USP50: variants seen among roughly 807,000 people sequenced by gnomAD.
The protein encoded by USP50 is ubiquitin carboxyl-terminal hydrolase 50.
In USP50, 37 loss-of-function variants were observed where a neutral mutation model predicts 39.2. The ratio of observed to expected loss-of-function variants is 0.94; its 90% CI spans 0.73 to 1.24. USP50 has a LOEUF of 1.24. Ranked by LOEUF, USP50 falls within the 50% of genes most tolerant of loss-of-function variation. The pLI is 0.00. For missense variants in USP50, 374 were observed against 398.2 expected, an observed-to-expected ratio of 0.94 and a Z score of 0.52; for synonymous variants, 139 against 144.5, an observed-to-expected ratio of 0.96 and a Z score of 0.27.
At chr15:50,514,358 T>A (rs781480800) in intron 6 of USP50, 1 of 152,180 alleles carries the variant, frequency 6.6e-6, no homozygotes, top group Admixed American at 6.5e-5. Context: ...TCAAGTTTTA[T>A]CCTCATGGTT....
chr15:50,495,866 T>G, downstream of USP50: 1 of 1,613,426 alleles, frequency 6.2e-7, no homozygotes, highest in South Asian at 1.1e-5. Context: ...TCGGAAGAGA[T>G]ATAAAGAAGA....
chr15:50,528,972 G>C (rs2052919175), intron 6 of USP50, among the ~76,000 whole-genome samples: 1 of 152,134 alleles, frequency 6.6e-6, no homozygotes, highest in African/African-American at 2.4e-5. Flanking sequence ...CCGTGATCCA[G>C]AACAGAAACC....
chr15:50,495,802 TTTTC>T (rs1238996458), downstream of USP50: 1 of 1,439,158 alleles, frequency 6.9e-7, no homozygotes, highest in South Asian at 1.3e-5. Context: ...AATTTAAATG[TTTTC>T]TTTGAGATAT....
At chr15:50,528,046 T>C (rs1205715669) in intron 6 of USP50, among the ~76,000 whole-genome samples, 2 of 148,240 alleles carry the variant, frequency 1.3e-5, no homozygotes, top group Non-Finnish European at 3.0e-5. Context: ...AATAATAGTT[T>C]GATTACTAAA....
At chr15:50,527,644 GTTT>G (rs34341151) in intron 6 of USP50, among the ~76,000 whole-genome samples, 1 of 143,230 alleles carries the variant, frequency 7.0e-6, no homozygotes, top group Non-Finnish European at 1.5e-5. Context: ...TTTTATTGTT[GTTT>G]TTTTTTTTTT....
intron 5 of USP50, among the ~76,000 whole-genome samples, chr15:50,534,765 A>G (rs1252599815): frequency 6.6e-6 from 1 of 152,248 alleles, no homozygotes; most frequent in East Asian, 1.9e-4. Context: ...AGGGCCATAC[A>G]TAATGATAAA....
chr15:50,493,605 TGTG>T (rs1478763786), downstream of USP50: 10 of 444,108 alleles, frequency 2.3e-5, no homozygotes, highest in Admixed American at 2.6e-4. Context: ...ATTAGCTAGG[TGTG>T]GTGATACATG....
chr15:50,528,065 GTTTTTTTT>G (rs57802702), intron 6 of USP50, among the ~76,000 whole-genome samples: 7 of 128,692 alleles, frequency 5.4e-5, no homozygotes, highest in African/African-American at 5.9e-5. Context: ...AAAGAACTAA[GTTTTTTTT>G]TTTTTTTTTT....
intron 6 of USP50, chr15:50,511,759 AG>A (rs1168512585): frequency 6.6e-6 from 1 of 152,172 alleles, no homozygotes; most frequent in Non-Finnish European, 1.5e-5. Context: ...CACCTGGGGG[AG>A]CCGAGGCAGG....
chr15:50,539,629 T>C (rs754314702), intron 4 of USP50, among the ~76,000 whole-genome samples: 1 of 152,046 alleles, frequency 6.6e-6, no homozygotes, highest in Non-Finnish European at 1.5e-5. Flanking sequence ...TTGGCCGGGA[T>C]AGTCTCGATC....
At chr15:50,514,994 T>TGA (rs2052789697) in intron 6 of USP50, among the ~76,000 whole-genome samples, 1 of 74,628 alleles carries the variant, frequency 1.3e-5, no homozygotes, top group Non-Finnish European at 2.5e-5. Flanking sequence ...AGACACAGTC[T>TGA]AAAAAAAAAA....
intron 6 of USP50, chr15:50,505,515 A>T (rs556065040): frequency 1.3e-5 from 2 of 152,254 alleles, no homozygotes; most frequent in Non-Finnish European, 2.9e-5. Flanking sequence ...ACTGAAATAT[A>T]TGCCACATGA....
chr15:50,540,955 T>C (rs1346556220), intron 4 of USP50, 94 bp downstream of exon 4: 12 of 907,408 alleles, frequency 1.3e-5, no homozygotes, highest in Non-Finnish European at 1.4e-5. Flanking sequence ...TATAAAGCCG[T>C]CTCTCATACT....
At chr15:50,526,692 A>T (rs755492739) in intron 6 of USP50, among the ~76,000 whole-genome samples, 1 of 152,222 alleles carries the variant, frequency 6.6e-6, no homozygotes, top group Non-Finnish European at 1.5e-5. Flanking sequence ...TTTGGGCTCA[A>T]TATAGACATG....
chr15:50,493,513 G>A (rs139242412), downstream of USP50: 1,772 of 518,060 alleles, frequency 3.4e-3, 11 homozygotes, highest in Non-Finnish European at 4.8e-3. Context: ...AGCACTTTGG[G>A]AGGCTGACGT....
At position 50,500,801 on chromosome 15, in the gene USP50, C is replaced by T. The variant is rs866256938; in HGVS notation, c.973G>A (p.Ala325Thr). 1.9e-6 allele frequency: 3 copies of T among 1,590,428 alleles called. No individual in the cohort carries two copies. The highest frequency in any genetic ancestry group is 2.6e-6 in the Non-Finnish European group (3 of 1,167,902). ...FGDLDGGHYTAFCKNSVTQA is the reference protein window; with the variant it reads ...FGDLDGGHYTTFCKNSVTQA ...TGGGTGACTGAATTCTTGCAGAAAG[C>T]AGTGTAGTGGCCACCATCCAAATCA... Residue 325 changes from alanine (A) to threonine (T), a missense_variant, in exon 7 of 7, where the codon GCT (alanine) becomes ACT (threonine). Coordinates refer to ENST00000532404, the MANE Select transcript of USP50 (RefSeq NM_203494.5).
At chr15:50,504,700 C>T (rs1421921124) in intron 6 of USP50, 1 of 152,182 alleles carries the variant, frequency 6.6e-6, no homozygotes, top group Non-Finnish European at 1.5e-5. Flanking sequence ...ATAAACCGGA[C>T]TGGGCGCGGT....
chr15:50,493,743 A>G (rs112084651), downstream of USP50: 976 of 401,152 alleles, frequency 2.4e-3, 11 homozygotes, highest in African/African-American at 0.019. Flanking sequence ...ATGAGACCCT[A>G]TCTCAAAAAA....
chr15:50,517,109 T>A (rs1045720054), intron 6 of USP50, among the ~76,000 whole-genome samples: 1 of 152,206 alleles, frequency 6.6e-6, no homozygotes, highest in Admixed American at 6.5e-5. Flanking sequence ...AGAATAAACA[T>A]TATTCTCAAG....
Sources: allele counts gnomAD v4.1 joint callset (sites outside exome capture counted in the v4.1 genomes callset), GRCh38; gene constraint gnomAD v4.1.1; transcripts MANE v1.5; gene names NCBI Gene and HGNC (gene_info 2026-07-23, HGNC 2026-07-21).